MYH11: variants seen among roughly 807,000 people sequenced by gnomAD.
MYH11 encodes the protein myosin heavy chain 11.
A neutral mutation model predicts 246.6 loss-of-function variants in MYH11; 80 were observed. The observed-to-expected ratio is 0.32, with a 90% CI of 0.27 to 0.39. The LOEUF (loss-of-function observed/expected upper bound fraction) is 0.39, where lower values mean the gene tolerates loss of function less well. MYH11 is among the 10% of genes least tolerant of loss of function. The pLI is 1.00. For synonymous variants in MYH11, 1,071 were observed against 1,015.5 expected (o/e 1.05, Z -1.04); for missense variants, 2,158 against 2,546.8 (o/e 0.85, Z 3.29).
chr16:15,746,520 G>A (rs1168104607), intron 19 of MYH11, among the ~76,000 whole-genome samples: 1 of 152,134 alleles, frequency 6.6e-6, no homozygotes, highest in African/African-American at 2.4e-5. Context: ...TTGGGTCCAT[G>A]TGTCAATGAA....
intron 5 of MYH11, chr16:15,784,798 AC>A (rs1358494227): frequency 2.6e-6 from 4 of 1,540,236 alleles, no homozygotes; most frequent in Non-Finnish European, 3.6e-6. Context: ...AGAATATATG[AC>A]TTTGATCCCC....
At chr16:15,712,628 T>C (rs951805026) in intron 40 of MYH11, among the ~76,000 whole-genome samples, 19 of 152,164 alleles carry the variant, frequency 1.2e-4, no homozygotes, top group Admixed American at 7.9e-4. Context: ...TGGGGCGGTC[T>C]AGTGGCAAGC....
intron 40 of MYH11, chr16:15,713,089 T>A (rs955983019): frequency 6.6e-6 from 1 of 151,694 alleles, no homozygotes; most frequent in African/African-American, 2.4e-5. Flanking sequence ...GGTAGCAAGG[T>A]AGACATGGGG....
intron 1 of MYH11, 80 bp from the exon 2 acceptor site, chr16:15,838,349 T>A: frequency 1.7e-6 from 2 of 1,148,708 alleles, no homozygotes; most frequent in Non-Finnish European, 2.6e-6. Flanking sequence ...TTGCCCTGTC[T>A]AGGAACTCGG....
chr16:15,824,681 T>C (rs1373467275), intron 2 of MYH11, among the ~76,000 whole-genome samples: 2 of 152,178 alleles, frequency 1.3e-5, no homozygotes, highest in Admixed American at 1.3e-4. Context: ...GAAACACAGC[T>C]GCCAAAACTG....
In MYH11 at chr16:15,721,017, T is replaced by A. The variant is rs1343964791; in HGVS notation, c.4613A>T (p.Glu1538Val). The change falls in exon 33 of 41, where the codon GAG becomes GTG. Residue 1538 changes from glutamate to valine, a missense_variant. By Grantham distance (121) the Glu-to-Val change is moderately radical. Transcript: ENST00000300036. ...CGTCTTCATCTCCTCCATCTGGGTC[T>A]CCAGGGCCCGCTTGGACTTCTCCAG... ...HELEKSKRAL[E>V]TQMEEMKTQL... The A allele has an allele frequency of 5.0e-6, 8 of 1,613,934 alleles. No homozygotes were observed. The highest frequency in any genetic ancestry group is 1.3e-5 in the African/African-American group (1 of 74,906).
At chr16:15,749,997 G>A in intron 16 of MYH11, 141 bp downstream of exon 16, 1 of 1,039,512 alleles carries the variant, frequency 9.6e-7, no homozygotes, top group Non-Finnish European at 1.4e-6. Context: ...TGGGGAATGG[G>A]TCTGAGATTC....
chr16:15,725,122 A>T, intron 28 of MYH11, 130 bp from the exon 29 acceptor site: 8 of 668,862 alleles, frequency 1.2e-5, no homozygotes, highest in Non-Finnish European at 2.1e-5. Context: ...CCCGTGAGGT[A>T]TGGGACTCTG....
At chr16:15,723,082 A>G (rs556530060) in intron 31 of MYH11, among the ~76,000 whole-genome samples, 1 of 152,318 alleles carries the variant, frequency 6.6e-6, no homozygotes, top group South Asian at 2.1e-4. Context: ...AGTCACTTGT[A>G]AACTAAATCA....
At chr16:15,775,757 C>T in intron 8 of MYH11, 1 of 355,962 alleles carries the variant, frequency 2.8e-6, no homozygotes, top group Non-Finnish European at 5.1e-6. Context: ...ATGTCTTTCT[C>T]CCTTTCCTTG....
intron 14 of MYH11, among the ~76,000 whole-genome samples, chr16:15,755,277 A>G (rs2041681020): frequency 1.3e-5 from 2 of 152,206 alleles, no homozygotes; most frequent in Non-Finnish European, 2.9e-5. Flanking sequence ...AAGGGCCTAT[A>G]CAATAACAGC....
At position 15,745,246 on chromosome 16, in the gene MYH11, G is replaced by T. The variant is rs148682361; in HGVS notation, c.2412-9C>A. 2.3e-3 allele frequency: 3,778 copies of T among 1,610,528 alleles called. 71 individuals carry two copies. In the African/African-American group the frequency reaches 0.043, roughly 18 times the overall value. ...GCCTCTTGGCAAAAGCCCTAGGGAGGGGGGAAGAGAAGGTGCGGGGGTCAT... is the reference window on the plus strand; with the variant it reads ...GCCTCTTGGCAAAAGCCCTAGGGAGTGGGGAAGAGAAGGTGCGGGGGTCAT... On this transcript the variant is annotated splice_polypyrimidine_tract_variant and intron_variant, in intron 19 of 40. Coordinates refer to ENST00000300036, the MANE Select transcript of MYH11 (RefSeq NM_002474.3).
At chr16:15,747,069 C>CAGAG (rs142951060) in intron 19 of MYH11, among the ~76,000 whole-genome samples, 4 of 148,040 alleles carry the variant, frequency 2.7e-5, no homozygotes, top group African/African-American at 1.0e-4. Context: ...GCCTGGGCGA[C>CAGAG]AGAGAGAGAG....
intron 23 of MYH11, among the ~76,000 whole-genome samples, chr16:15,739,834 C>G (rs1208560121): frequency 1.3e-5 from 2 of 151,854 alleles, no homozygotes; most frequent in African/African-American, 4.8e-5. Flanking sequence ...CTCTACCTCC[C>G]AGGTTCAAGT....
chr16:15,745,075 G>A, intron 20 of MYH11, 54 bp downstream of exon 20: 2 of 1,353,968 alleles, frequency 1.5e-6, no homozygotes. Context: ...AGGCTCCAGA[G>A]TGAAGAAGCA....
intron 3 of MYH11, among the ~76,000 whole-genome samples, chr16:15,820,319 A>T (rs971747023): frequency 6.6e-6 from 1 of 152,266 alleles, no homozygotes; most frequent in Non-Finnish European, 1.5e-5. Flanking sequence ...TACTAAAAAT[A>T]CAAAATTAGC....
chr16:15,812,583 G>A (rs1045303898), intron 3 of MYH11, among the ~76,000 whole-genome samples: 383 of 73,580 alleles, frequency 5.2e-3, no homozygotes, highest in East Asian at 9.8e-3. Context: ...AAAAAAAAAA[G>A]TTTTTTCACT....
At chr16:15,777,104 T>C (rs142141799) in intron 7 of MYH11, among the ~76,000 whole-genome samples, 35,534 of 147,664 alleles carry the variant, frequency 0.24, 4,565 homozygotes, top group African/African-American at 0.33. Flanking sequence ...CACGCACACA[T>C]ACACACACAC....
At chr16:15,800,351 G>A (rs75899191) in intron 3 of MYH11, among the ~76,000 whole-genome samples, 4,893 of 151,674 alleles carry the variant, frequency 0.032, 272 homozygotes, top group African/African-American at 0.11. Flanking sequence ...GAGACAGGAA[G>A]ACAAATGGAT....
Sources: gnomAD v4.1 joint callset for allele counts (sites outside exome capture counted in the v4.1 genomes callset) on GRCh38, gnomAD v4.1.1 for gene constraint, MANE v1.5 for transcripts, NCBI Gene and HGNC (gene_info 2026-07-23, HGNC 2026-07-21) for gene names.